Variants in GALNT13 observed in about 807,000 individuals in gnomAD.
GALNT13 encodes the protein UDP-GalNAc:polypeptide N-acetylgalactosaminyltransferase 13.
Under a neutral mutation model 64.2 loss-of-function variants are expected in GALNT13, and 28 were observed. That is an observed-to-expected ratio of 0.44 (90% CI 0.32 to 0.60). The LOEUF is 0.60. GALNT13 is among the 20% of genes least tolerant of loss of function. The pLI, the probability that GALNT13 is intolerant of heterozygous loss-of-function variation, is 0.05. For synonymous variants in GALNT13, 214 were observed against 224.6 expected (o/e 0.95, Z 0.42); for missense variants, 577 against 669.8 (o/e 0.86, Z 1.53).
intron 3 of GALNT13, among the ~76,000 whole-genome samples, chr2:154,122,480 G>A (rs183752259): frequency 1.3e-5 from 2 of 151,868 alleles, no homozygotes; most frequent in African/African-American, 4.8e-5. Flanking sequence ...TCTTCTTTCT[G>A]GAAAAATTGT....
the GALNT13 span, among the ~76,000 whole-genome samples, chr2:153,597,788 T>G: frequency 1.3e-5 from 2 of 151,882 alleles, no homozygotes; most frequent in African/African-American, 2.4e-5. Flanking sequence ...ACAACCCAAT[T>G]TCAAAATGAG....
the GALNT13 span, among the ~76,000 whole-genome samples, chr2:153,217,636 C>T: frequency 6.6e-6 from 1 of 151,008 alleles, no homozygotes; most frequent in Admixed American, 6.6e-5. Flanking sequence ...TTCTTCATTC[C>T]TCTTACTGTG....
chr2:153,778,324 G>C, the GALNT13 span, among the ~76,000 whole-genome samples: 2 of 152,186 alleles, frequency 1.3e-5, no homozygotes, highest in African/African-American at 4.8e-5. Flanking sequence ...TGCAACATTT[G>C]GGCACCAAGG....
chr2:153,257,923 A>G, the GALNT13 span, among the ~76,000 whole-genome samples: 13 of 152,202 alleles, frequency 8.5e-5, no homozygotes, highest in Non-Finnish European at 1.5e-4. Context: ...GACCCTTGGG[A>G]AAACTGGTCT....
At chr2:153,504,987 A>C in the GALNT13 span, among the ~76,000 whole-genome samples, 1 of 152,184 alleles carries the variant, frequency 6.6e-6, no homozygotes, top group East Asian at 1.9e-4. Context: ...GTCTGATAGA[A>C]TTCAGCAGTA....
At chr2:153,845,290 A>C in the GALNT13 span, among the ~76,000 whole-genome samples, 1 of 152,240 alleles carries the variant, frequency 6.6e-6, no homozygotes. Flanking sequence ...ATTTTCAGGA[A>C]GCACGCTGCT....
At chr2:153,337,779 A>C in the GALNT13 span, 1 of 152,210 alleles carries the variant, frequency 6.6e-6, no homozygotes, top group African/African-American at 2.4e-5. Context: ...AGCTGCTGCA[A>C]TGTAAGTTGA....
At chr2:153,950,927 A>G (rs1003465237) in intron 3 of GALNT13, among the ~76,000 whole-genome samples, 8 of 152,150 alleles carry the variant, frequency 5.3e-5, no homozygotes, top group African/African-American at 1.7e-4. Flanking sequence ...AAATAAAATT[A>G]TAAGAAAGAA....
chr2:154,003,789 G>C (rs1574308391), intron 3 of GALNT13, among the ~76,000 whole-genome samples: 1 of 152,070 alleles, frequency 6.6e-6, no homozygotes, highest in South Asian at 2.1e-4. Context: ...GTGAGATCTG[G>C]TTGTTTAAAA....
intron 9 of GALNT13, among the ~76,000 whole-genome samples, chr2:154,364,451 G>A (rs937594788): frequency 1.8e-5 from 2 of 110,874 alleles, no homozygotes; most frequent in African/African-American, 6.0e-5. Flanking sequence ...ATTCCATCAA[G>A]ACTGAGAAAA....
chr2:154,394,461 A>G lies in GALNT13; in HGVS notation c.1157-1530A>G, dbSNP rs180673431. ...TGTTGATATTAAATAAGCCACCTCA[A>G]TTAAATCCACCCACCTCAAAAATGA... On this transcript the variant is annotated intron_variant, in intron 9 of 12. Transcript: ENST00000392825. Among the ~76,000 whole-genome samples, 9 of 152,316 alleles carry G rather than the reference A, an allele frequency of 5.9e-5. No homozygotes were observed. In the East Asian group the frequency reaches 1.4e-3, roughly 23 times the overall value.
At chr2:153,335,844 C>T in the GALNT13 span, among the ~76,000 whole-genome samples, 36 of 152,320 alleles carry the variant, frequency 2.4e-4, no homozygotes, top group African/African-American at 8.7e-4. Context: ...CATCACGGAC[C>T]TGGAGGCCCA....
chr2:153,920,900 A>G (rs1237096611), intron 2 of GALNT13, among the ~76,000 whole-genome samples: 1 of 152,206 alleles, frequency 6.6e-6, no homozygotes, highest in East Asian at 1.9e-4. Context: ...ATCATTTGAG[A>G]AATGCAGATC....
At chr2:153,701,712 A>C in the GALNT13 span, among the ~76,000 whole-genome samples, 1 of 152,322 alleles carries the variant, frequency 6.6e-6, no homozygotes, top group South Asian at 2.1e-4. Flanking sequence ...GTATATGGTC[A>C]ATAGACACAT....
At chr2:153,640,014 A>T in the GALNT13 span, among the ~76,000 whole-genome samples, 3 of 152,266 alleles carry the variant, frequency 2.0e-5, no homozygotes, top group Non-Finnish European at 4.4e-5. Flanking sequence ...TAGAGGGGCT[A>T]TGAGAGCTAG....
At chr2:153,741,733 T>C in the GALNT13 span, among the ~76,000 whole-genome samples, 1 of 152,086 alleles carries the variant, frequency 6.6e-6, no homozygotes, top group African/African-American at 2.4e-5. Context: ...ATCACCATTT[T>C]CCCTAGAAAT....
chr2:153,361,961 C>T, the GALNT13 span, among the ~76,000 whole-genome samples: 1 of 152,098 alleles, frequency 6.6e-6, no homozygotes, highest in South Asian at 2.1e-4. Context: ...GTACTAAGGG[C>T]AGCCAGAGAG....
chr2:153,244,922 G>A, the GALNT13 span, among the ~76,000 whole-genome samples: 12 of 152,238 alleles, frequency 7.9e-5, no homozygotes, highest in Admixed American at 6.5e-4. Context: ...GTCCACCTGG[G>A]ATGATTGAGC....
At chr2:153,467,190 A>G in the GALNT13 span, among the ~76,000 whole-genome samples, 2 of 152,168 alleles carry the variant, frequency 1.3e-5, no homozygotes, top group African/African-American at 2.4e-5. Context: ...GAGAAAATAT[A>G]TATGTTTTAA....
Sources: gnomAD v4.1 joint callset for allele counts (sites outside exome capture counted in the v4.1 genomes callset) on GRCh38, gnomAD v4.1.1 for gene constraint, MANE v1.5 for transcripts, NCBI Gene and HGNC (gene_info 2026-07-23, HGNC 2026-07-21) for gene names.